Variants in EEIG2 observed in about 807,000 individuals in gnomAD.
The protein encoded by EEIG2 is family with sequence similarity 102 member B.
the EEIG2 span, among the ~76,000 whole-genome samples, chr1:108,600,218 T>A: frequency 6.6e-6 from 1 of 152,232 alleles, no homozygotes; most frequent in Non-Finnish European, 1.5e-5. Context: ...CCCTACAAGG[T>A]CAGGAACTCT....
chr1:108,612,236 G>T, the EEIG2 span: 1 of 1,613,510 alleles, frequency 6.2e-7, no homozygotes, highest in Non-Finnish European at 8.5e-7. Flanking sequence ...ACCACTCGCC[G>T]CTGTTTACTG....
the EEIG2 span, chr1:108,600,688 T>A: frequency 3.7e-6 from 6 of 1,603,134 alleles, no homozygotes; most frequent in Non-Finnish European, 5.1e-6. Flanking sequence ...GTGAGGAAGG[T>A]ATAAAAATAG....
chr1:108,579,328 C>G, the EEIG2 span, among the ~76,000 whole-genome samples: 1 of 87,236 alleles, frequency 1.1e-5, no homozygotes, highest in Non-Finnish European at 2.5e-5. Context: ...CAACAAAGAT[C>G]AAAAGAGACA....
At chr1:108,607,647 G>C in the EEIG2 span, among the ~76,000 whole-genome samples, 1 of 152,146 alleles carries the variant, frequency 6.6e-6, no homozygotes, top group African/African-American at 2.4e-5. Flanking sequence ...AAGATGGTGA[G>C]ACCCTGTCTC....
chr1:108,629,439 C>A, the EEIG2 span: 1 of 525,716 alleles, frequency 1.9e-6, no homozygotes, highest in Non-Finnish European at 3.4e-6. Context: ...TTTTAAATTG[C>A]CTATTTTAAA....
chr1:108,580,486 G>A, the EEIG2 span, among the ~76,000 whole-genome samples: 1 of 152,292 alleles, frequency 6.6e-6, no homozygotes, highest in South Asian at 2.1e-4. Flanking sequence ...AGCTGAGATA[G>A]GCCAAAAGCT....
the EEIG2 span, among the ~76,000 whole-genome samples, chr1:108,623,658 T>C: frequency 6.6e-6 from 1 of 152,208 alleles, no homozygotes; most frequent in Admixed American, 6.5e-5. Context: ...ACCTATTATG[T>C]ATCTACAAAA....
the EEIG2 span, among the ~76,000 whole-genome samples, chr1:108,562,095 AGTCT>A: frequency 6.6e-6 from 1 of 152,196 alleles, no homozygotes; most frequent in Non-Finnish European, 1.5e-5. Flanking sequence ...TCTCATAGCA[AGTCT>A]ATAAGGTAGG....
At chr1:108,574,759 G>A in the EEIG2 span, among the ~76,000 whole-genome samples, 1 of 152,020 alleles carries the variant, frequency 6.6e-6, no homozygotes, top group African/African-American at 2.4e-5. Flanking sequence ...TCAAAGAAAA[G>A]GGGGGGTTAG....
At chr1:108,638,619 C>T in the EEIG2 span, 3 of 152,214 alleles carry the variant, frequency 2.0e-5, no homozygotes, top group South Asian at 6.2e-4. Context: ...TCTGTTTGGT[C>T]AGTTCTAGAT....
the EEIG2 span, chr1:108,624,915 T>C: frequency 3.3e-6 from 2 of 610,196 alleles, no homozygotes; most frequent in Non-Finnish European, 5.8e-6. Context: ...GTCTAAAGTA[T>C]TGTGCTCTGA....
At chr1:108,582,844 C>G in the EEIG2 span, among the ~76,000 whole-genome samples, 1 of 151,926 alleles carries the variant, frequency 6.6e-6, no homozygotes, top group Non-Finnish European at 1.5e-5. Flanking sequence ...AGTGGGGGAG[C>G]AGAGTAGAGC....
chr1:108,612,847 G>A, the EEIG2 span, among the ~76,000 whole-genome samples: 1 of 152,142 alleles, frequency 6.6e-6, no homozygotes, highest in Admixed American at 6.5e-5. Context: ...TTTGCGCCTA[G>A]GAAACCCCAT....
chr1:108,578,949 TGGAAA>T, the EEIG2 span, among the ~76,000 whole-genome samples: 1 of 94,740 alleles, frequency 1.1e-5, no homozygotes, highest in Admixed American at 1.2e-4. Context: ...GCGCTAAACA[TGGAAA>T]GGAACAACCG....
the EEIG2 span, among the ~76,000 whole-genome samples, chr1:108,591,508 T>A: frequency 6.6e-6 from 1 of 152,188 alleles, no homozygotes; most frequent in African/African-American, 2.4e-5. Flanking sequence ...CCCATACATT[T>A]AAAAAATTCA....
chr1:108,613,911 C>G, the EEIG2 span, among the ~76,000 whole-genome samples: 1 of 152,054 alleles, frequency 6.6e-6, no homozygotes, highest in Admixed American at 6.6e-5. Flanking sequence ...TTTTCCTCCT[C>G]CTCATCTCAG....
chr1:108,595,375 G>A, the EEIG2 span, among the ~76,000 whole-genome samples: 1 of 148,072 alleles, frequency 6.8e-6, no homozygotes, highest in South Asian at 2.2e-4. Context: ...AGGGAGAGAG[G>A]GAAGGAGGGA....
chr1:108,585,787 G>A, the EEIG2 span, among the ~76,000 whole-genome samples: 35 of 152,116 alleles, frequency 2.3e-4, no homozygotes, highest in Non-Finnish European at 4.3e-4. Flanking sequence ...AGCCTTCATA[G>A]TACAGTTTGT....
the EEIG2 span, among the ~76,000 whole-genome samples, chr1:108,599,176 C>CA: frequency 4.6e-5 from 7 of 150,602 alleles, no homozygotes; most frequent in East Asian, 1.9e-4. Context: ...AAAACAACAA[C>CA]AACAAAAAAA....
Sources: allele counts gnomAD v4.1 joint callset (sites outside exome capture counted in the v4.1 genomes callset), GRCh38; gene constraint gnomAD v4.1.1; transcripts MANE v1.5; gene names NCBI Gene and HGNC (gene_info 2026-07-23, HGNC 2026-07-21).